The following CHD6 variants were observed in gnomAD, a reference collection of about 807,000 sequenced individuals.
CHD6 encodes the protein chromodomain helicase DNA binding protein 6.
CHD6 carries 50 observed loss-of-function variants against 276.9 expected under a neutral mutation model. That is an observed-to-expected ratio of 0.18 (90% CI 0.14 to 0.23). CHD6 has a LOEUF of 0.23. Among genes scored for constraint, CHD6 ranks in the 10% least tolerant of loss-of-function variants. The pLI is 1.00. For missense variants in CHD6, 2,564 were observed against 3,365.8 expected (o/e 0.76, Z 5.89); for synonymous variants, 1,173 against 1,229.3 (o/e 0.95, Z 0.96).
At chr20:41,574,291 A>C (rs899485387) in intron 1 of CHD6, among the ~76,000 whole-genome samples, 1 of 152,196 alleles carries the variant, frequency 6.6e-6, no homozygotes, top group Admixed American at 6.5e-5. Context: ...TTTCATTCTC[A>C]AAGATGACGT....
intron 5 of CHD6, among the ~76,000 whole-genome samples, chr20:41,509,330 G>C (rs1386767003): frequency 6.6e-6 from 1 of 152,134 alleles, no homozygotes; most frequent in Non-Finnish European, 1.5e-5. Context: ...TCCTACCTGA[G>C]AGGCACATAG....
At chr20:41,501,104 T>C (rs939923829) in intron 5 of CHD6, among the ~76,000 whole-genome samples, 5 of 152,302 alleles carry the variant, frequency 3.3e-5, no homozygotes, top group East Asian at 3.9e-4. Flanking sequence ...TAAGAGAAAC[T>C]AGACTAATGA....
At chr20:41,511,947 C>T (rs894389015) in intron 5 of CHD6, among the ~76,000 whole-genome samples, 8 of 149,626 alleles carry the variant, frequency 5.3e-5, no homozygotes, top group African/African-American at 1.5e-4. Flanking sequence ...CACTTAACAG[C>T]GATTTATTAT....
At chr20:41,459,180 C>A (rs1172135497) in intron 17 of CHD6, among the ~76,000 whole-genome samples, 1 of 152,120 alleles carries the variant, frequency 6.6e-6, no homozygotes, top group African/African-American at 2.4e-5. Context: ...CCCACCCATG[C>A]CCTGCCCACA....
chr20:41,508,335 C>T (rs567779311), intron 5 of CHD6, among the ~76,000 whole-genome samples: 1 of 151,774 alleles, frequency 6.6e-6, no homozygotes, highest in Non-Finnish European at 1.5e-5. Context: ...TAAAAAAAAA[C>T]ACACAAAACA....
intron 1 of CHD6, among the ~76,000 whole-genome samples, chr20:41,588,876 G>A (rs2045624914): frequency 6.6e-6 from 1 of 152,028 alleles, no homozygotes; most frequent in Non-Finnish European, 1.5e-5. Context: ...AGGTGATTGG[G>A]GGGATTCTTA....
chr20:41,604,337 A>G (rs936628577), intron 1 of CHD6, among the ~76,000 whole-genome samples: 4 of 152,204 alleles, frequency 2.6e-5, no homozygotes, highest in African/African-American at 9.7e-5. Flanking sequence ...TAAAACTAGA[A>G]GGACATAAGA....
intron 1 of CHD6, among the ~76,000 whole-genome samples, chr20:41,581,535 T>C (rs2045539221): frequency 6.6e-6 from 1 of 151,706 alleles, no homozygotes; most frequent in African/African-American, 2.4e-5. Flanking sequence ...ATTAGCTGGG[T>C]GTGGTGGTGC....
At chr20:41,579,952 A>G (rs2146230131) in intron 1 of CHD6, among the ~76,000 whole-genome samples, 1 of 152,324 alleles carries the variant, frequency 6.6e-6, no homozygotes, top group Admixed American at 6.5e-5. Flanking sequence ...TTTAAAGTAC[A>G]TTTACAGCAA....
At position 41,434,021 on chromosome 20, in the gene CHD6, G is replaced by A. The variant is rs1311522391; in HGVS notation, c.4068+3253C>T. Among the ~76,000 whole-genome samples, 4 of 152,142 alleles carry A rather than the reference G, an allele frequency of 2.6e-5. No individual in the cohort carries two copies. In the South Asian group the frequency reaches 8.3e-4, roughly 32 times the overall value. ...GGAAGGCAGGAAAAATAAAAAATCA[G>A]GGAAAACAAAGAGAAGACAATAAAA... On this transcript the variant is annotated intron_variant, in intron 27 of 36. Coordinates refer to ENST00000373233, the MANE Select transcript of CHD6 (RefSeq NM_032221.5).
chr20:41,410,618 C>A (rs2046814177), intron 36 of CHD6, among the ~76,000 whole-genome samples: 1 of 152,064 alleles, frequency 6.6e-6, no homozygotes, highest in African/African-American at 2.4e-5. Context: ...AGGAAAAGGG[C>A]CTCCGAGGCA....
chr20:41,564,504 G>T (rs1327116167), intron 1 of CHD6, among the ~76,000 whole-genome samples: 1 of 152,154 alleles, frequency 6.6e-6, no homozygotes, highest in Non-Finnish European at 1.5e-5. Context: ...CATACCAGTG[G>T]TTGGGGTTGG....
chr20:41,404,770 C>T lies in CHD6; in HGVS notation c.7971G>A (p.Lys2657=). ...IVGLESQKRK[K]KKTKGDNPNS... ...TGGGGTTGTCCCCCTTTGTCTTCTTCTTCTTCCTCTTCTGGCTCTCCAGAC... is the reference window on the plus strand; with the variant it reads ...TGGGGTTGTCCCCCTTTGTCTTCTTTTTCTTCCTCTTCTGGCTCTCCAGAC... The change falls in exon 37 of 37, where the codon AAG becomes AAA. Residue 2657 remains lysine, a synonymous_variant. Transcript: ENST00000373233. 1 of 1,608,528 alleles carries T rather than the reference C, an allele frequency of 6.2e-7. No homozygotes were observed. Among genetic ancestry groups the T allele is most frequent in the Non-Finnish European group, 8.5e-7 (1 of 1,177,118 alleles).
intron 20 of CHD6, 134 bp downstream of exon 20, chr20:41,454,492 T>A: frequency 1.6e-6 from 1 of 635,098 alleles, no homozygotes; most frequent in South Asian, 2.2e-5. Context: ...GTGCCAGGCA[T>A]ATTTTAAGCA....
Position 41,612,283 on chromosome 20 carries a change from T to G in CHD6, c.-24+6057A>C, listed in dbSNP as rs1368405675. On this transcript the variant is annotated intron_variant, in intron 1 of 36. Coordinates refer to ENST00000373233, the MANE Select transcript of CHD6 (RefSeq NM_032221.5). ...CCTGATTCACAAGAGCTTATTTTTT[T>G]ACATTTTTACACTTATCTTTCTGGA... Among the ~76,000 whole-genome samples the G allele has an allele frequency of 2.6e-5, 4 of 152,374 alleles. No homozygotes were observed. In the East Asian group the frequency reaches 7.7e-4, roughly 29 times the overall value.
intron 1 of CHD6, among the ~76,000 whole-genome samples, chr20:41,613,325 A>C (rs565892610): frequency 6.6e-6 from 1 of 152,388 alleles, no homozygotes; most frequent in East Asian, 1.9e-4. Context: ...AGTAAGAAGC[A>C]GTATTCAAAG....
At chr20:41,449,491 A>G (rs1051109131) in intron 23 of CHD6, among the ~76,000 whole-genome samples, 4 of 152,230 alleles carry the variant, frequency 2.6e-5, no homozygotes, top group African/African-American at 9.6e-5. Flanking sequence ...GAAAGCCAAT[A>G]GTATTCAATT....
chr20:41,504,401 T>C (rs1277369379), intron 5 of CHD6, among the ~76,000 whole-genome samples: 1 of 136,072 alleles, frequency 7.3e-6, no homozygotes, highest in Non-Finnish European at 1.6e-5. Context: ...TTCCTCTATT[T>C]TCTTTTTTTT....
intron 17 of CHD6, 28 bp from the exon 18 acceptor site, chr20:41,457,456 A>T: frequency 6.3e-7 from 1 of 1,596,928 alleles, no homozygotes; most frequent in Non-Finnish European, 8.6e-7. Flanking sequence ...CATATGCATC[A>T]CGTCACCGTA....
Sources: gnomAD v4.1 joint callset for allele counts (sites outside exome capture counted in the v4.1 genomes callset) on GRCh38, gnomAD v4.1.1 for gene constraint, MANE v1.5 for transcripts, NCBI Gene and HGNC (gene_info 2026-07-23, HGNC 2026-07-21) for gene names.